The following SYNE2 variants were observed in gnomAD, a reference collection of about 807,000 sequenced individuals.
SYNE2 encodes spectrin repeat containing nuclear envelope protein 2, also known as nesprin-2.
A neutral mutation model predicts 856.3 loss-of-function variants in SYNE2; 431 were observed. That is an observed-to-expected ratio of 0.50 (90% confidence interval 0.47 to 0.55). The LOEUF is 0.55. Ranked by LOEUF, SYNE2 falls within the 20% of genes least tolerant of loss-of-function variation. SYNE2 has a pLI of 0.00. For synonymous variants in SYNE2, 2,923 were observed against 2,872.3 expected (o/e 1.02, Z -0.56); for missense variants, 8,129 against 8,023.2 (o/e 1.01, Z -0.50).
At chr14:63,968,906 G>A (rs1006401471) in intron 11 of SYNE2, among the ~76,000 whole-genome samples, 3 of 152,074 alleles carry the variant, frequency 2.0e-5, no homozygotes, top group South Asian at 2.1e-4. Context: ...TGTAGTCACC[G>A]TGTTGTGCTA....
Position 64,016,614 on chromosome 14 carries a change from G to A in SYNE2, c.4870G>A (p.Val1624Met). 1 of 1,595,562 alleles carries A rather than the reference G, an allele frequency of 6.3e-7. No homozygotes were observed. Among genetic ancestry groups the A allele is most frequent in the Non-Finnish European group, 8.6e-7 (1 of 1,167,292 alleles). ...PPFEKEANIIVDRWLDINEKT... is the reference protein window; with the variant it reads ...PPFEKEANIIMDRWLDINEKT... Reference sequence around the variant, plus strand: ...TTTTGAAAAAGAGGCTAATATTATTGTGGATAGATGGCTTGATGTAAGTGA... The same window carrying A: ...TTTTGAAAAAGAGGCTAATATTATTATGGATAGATGGCTTGATGTAAGTGA... The change falls in exon 33 of 116, where the codon GTG becomes ATG. Residue 1624 changes from valine (V) to methionine (M), a missense_variant. Transcript: ENST00000555002.
chr14:64,113,222 T>G (rs956851239), intron 65 of SYNE2, 119 bp from the exon 66 acceptor site: 1 of 1,561,130 alleles, frequency 6.4e-7, no homozygotes, highest in African/African-American at 1.4e-5. Context: ...TTTTCTTTCT[T>G]CCTTCTTCTG....
At chr14:64,211,880 G>A (rs2098643177) in intron 103 of SYNE2, 81 bp from the exon 104 acceptor site, 6 of 1,603,158 alleles carry the variant, frequency 3.7e-6, no homozygotes, top group South Asian at 1.1e-5. Flanking sequence ...CCCTTTTCTT[G>A]TGGCCGAAGG....
At chr14:63,994,051 T>C in intron 22 of SYNE2, 82 bp downstream of exon 22, 1 of 1,437,418 alleles carries the variant, frequency 7.0e-7, no homozygotes, top group Non-Finnish European at 9.7e-7. Context: ...ATTCCTGGGG[T>C]TTTCCTGTCT....
At position 64,090,877 on chromosome 14, in the gene SYNE2, A is replaced by G; in HGVS notation, c.11805A>G (p.Glu3935=). The stretch of plus-strand genomic sequence containing the variant: ...CTTATATAATTAAGGTCATACTTGA[A>G]AATATACGTCCCATGAAGAAAACCA... ...EHLKHGEVIL[E]NIRPMKKTIA... Residue 3935 remains glutamate, a synonymous_variant, in exon 60 of 116, where the codon GAA becomes GAG. Transcript: ENST00000555002. 6.2e-7 allele frequency: 1 copy of G among 1,614,008 alleles called. No homozygotes were observed. The highest frequency in any genetic ancestry group is 8.5e-7 in the Non-Finnish European group (1 of 1,179,926).
upstream of SYNE2, among the ~76,000 whole-genome samples, chr14:63,848,079 G>A (rs1326785384): frequency 6.6e-6 from 1 of 151,960 alleles, no homozygotes; most frequent in Admixed American, 6.6e-5. Context: ...TAGAGACTGG[G>A]TTTCACCATG....
rs757198476 is a variant in SYNE2 at position 64,052,156 on chromosome 14, G to C, written c.8243G>C (p.Gly2748Ala). 4 of 1,614,140 alleles carry C rather than the reference G, an allele frequency of 2.5e-6. No homozygotes were observed. The South Asian group carries it at 4.4e-5, about 18-fold the overall frequency. Residue 2748 changes from glycine to alanine, a missense_variant, in exon 48 of 116, where the codon GGT becomes GCT. This residue lies in a region of SYNE2 where 5,410 missense variants were observed against 5,284.8 expected (regional missense o/e 1.02). Transcript: ENST00000555002. ...ATCTTATGGGCCAAGAATTTGTTGG[G>C]TGAACTTAATCCCTCCATTCCCCTT... ...ETILWAKNLLGELNPSIPLLP... is the reference protein window; with the variant it reads ...ETILWAKNLLAELNPSIPLLP...
chr14:64,189,139 G>T, intron 98 of SYNE2: 2 of 602,218 alleles, frequency 3.3e-6, no homozygotes, highest in Non-Finnish European at 2.9e-6. Flanking sequence ...TTCAAGACCA[G>T]CCTGGCTGAC....
intron 1 of SYNE2, among the ~76,000 whole-genome samples, chr14:63,765,734 G>T (rs1886655545): frequency 6.6e-6 from 1 of 152,156 alleles, no homozygotes; most frequent in Non-Finnish European, 1.5e-5. Flanking sequence ...CTAATGAAAA[G>T]ACAGAATTTG....
chr14:64,021,230 C>T, intron 35 of SYNE2, 85 bp from the exon 36 acceptor site: 1 of 1,047,460 alleles, frequency 9.5e-7, no homozygotes, highest in Non-Finnish European at 1.5e-6. Flanking sequence ...ATGAAGTAAT[C>T]TCAACCCATT....
At chr14:63,833,622 G>A (rs1889746095) in intron 1 of SYNE2, among the ~76,000 whole-genome samples, 1 of 152,138 alleles carries the variant, frequency 6.6e-6, no homozygotes. Context: ...TCATTTGGAA[G>A]TAGCATGTGT....
Position 64,219,288 on chromosome 14 carries a change from A to T in SYNE2, c.19738A>T (p.Asn6580Tyr). 6.2e-7 allele frequency: 1 copy of T among 1,614,102 alleles called. No homozygotes were observed. The highest frequency in any genetic ancestry group is 8.5e-7 in the Non-Finnish European group (1 of 1,180,028). The change falls in exon 110 of 116, where the codon AAC becomes TAC. Residue 6580 changes from asparagine to tyrosine, a missense_variant. Asn to Tyr is a moderately radical substitution (Grantham distance 143, BLOSUM62 -2). This residue lies in a region of SYNE2 where 5,410 missense variants were observed against 5,284.8 expected (regional missense o/e 1.02). Transcript: ENST00000555002. Reference sequence around the variant, plus strand: ...AATAAAACAAAATTTGCAACAGCTGAACTCTGATATCAGCGCCATCACTAC... The same window carrying T: ...AATAAAACAAAATTTGCAACAGCTGTACTCTGATATCAGCGCCATCACTAC... The part of the protein sequence containing the change: ...LKIKQNLQQL[N>Y]SDISAITTWL...
rs1308459272 is a variant in SYNE2, at chr14:64,119,531, T to G, written c.12945T>G (p.Leu4315=). The change falls in exon 67 of 116, where the codon CTT becomes CTG. Residue 4315 remains leucine, a synonymous_variant. Transcript: ENST00000555002. ...NGATQHEAEA[L]SLKLKTVKCN... ...CCACTCAACATGAGGCTGAAGCGCT[T>G]TCCCTGAAACTGAAAACAGTGAAGT... 1.2e-6 allele frequency: 2 copies of G among 1,614,048 alleles called. No individual in the cohort carries two copies. Among genetic ancestry groups the G allele is most frequent in the Non-Finnish European group, 1.7e-6 (2 of 1,180,030 alleles).
intron 1 of SYNE2, among the ~76,000 whole-genome samples, chr14:63,888,582 T>C (rs942635820): frequency 6.6e-6 from 1 of 152,204 alleles, no homozygotes; most frequent in African/African-American, 2.4e-5. Flanking sequence ...GGGAATCAAG[T>C]AAGGTGAGGT....
intron 45 of SYNE2, among the ~76,000 whole-genome samples, chr14:64,043,559 G>A (rs568686564): frequency 9.7e-4 from 147 of 152,182 alleles, no homozygotes; most frequent in South Asian, 1.5e-3. Flanking sequence ...ACAGTCTAGC[G>A]ACCGAGTGCC....
intron 7 of SYNE2, among the ~76,000 whole-genome samples, chr14:63,950,954 C>G (rs945027): frequency 0.68 from 102,961 of 151,872 alleles, 35,155 homozygotes; most frequent in South Asian, 0.76. Flanking sequence ...ACCACACCAG[C>G]CTGGAGAATG....
At chr14:63,844,997 C>A (rs1388775929) in intron 1 of SYNE2, among the ~76,000 whole-genome samples, 1 of 152,110 alleles carries the variant, frequency 6.6e-6, no homozygotes, top group Non-Finnish European at 1.5e-5. Flanking sequence ...CCATCTGGGC[C>A]TCATACTTTT....
rs571918331 is a variant in SYNE2 at position 63,868,443 on chromosome 14, C to T, written c.-52+15300C>T. 2.3e-4 allele frequency among the ~76,000 whole-genome samples: 35 copies of T among 150,568 alleles called. No individual in the cohort carries two copies. The South Asian group carries it at 6.7e-3, about 29-fold the overall frequency. ...TGAGCCGAGATCATGCCACTGCACT[C>T]GAGCCTGGACAGCAGAGTGAGACCC... On this transcript the variant is annotated intron_variant, in intron 1 of 115. Transcript: ENST00000555002.
At chr14:64,011,162 T>C (rs751555120) in intron 32 of SYNE2, among the ~76,000 whole-genome samples, 24 of 152,214 alleles carry the variant, frequency 1.6e-4, no homozygotes, top group Non-Finnish European at 3.2e-4. Flanking sequence ...GGAATGGCCC[T>C]TGTCTGGGAC....
Sources: allele counts gnomAD v4.1 joint callset (sites outside exome capture counted in the v4.1 genomes callset), GRCh38; gene constraint gnomAD v4.1.1; regional missense constraint gnomAD v4.1.1; transcripts MANE v1.5; gene names NCBI Gene and HGNC (gene_info 2026-07-23, HGNC 2026-07-21).